The following PKD1 variants were observed in gnomAD, a reference collection of about 807,000 sequenced individuals.
PKD1 encodes polycystin 1, transient receptor potential channel interacting, also known as polycystin-1.
A neutral mutation model predicts 361.7 loss-of-function variants in PKD1; 81 were observed. The observed-to-expected ratio is 0.22, with a 90% CI of 0.19 to 0.27. The LOEUF (loss-of-function observed/expected upper bound fraction) is 0.27. Ranked by LOEUF, PKD1 falls within the 10% of genes least tolerant of loss-of-function variation. The pLI is 1.00. For missense variants in PKD1, 6,399 were observed against 6,118.3 expected, an observed-to-expected ratio of 1.05 and a Z score of -1.53; for synonymous variants, 3,615 against 2,818.3, an observed-to-expected ratio of 1.28 and a Z score of -8.95.
chr16:2,091,129 G>A lies in PKD1; in HGVS notation c.11758C>T (p.Arg3920Cys), dbSNP rs538314197. ...FAVHFAVAEA[R>C]TWHREGRWRV... ...CAGCGCCCTTCCCTGTGCCAAGTAC[G>A]GGCCTCGGCCACGGCGAAGTGCACG... is the stretch of plus-strand genomic sequence containing the variant. The change falls in exon 43 of 46, where the codon CGT (arginine) becomes TGT (cysteine). Residue 3920 changes from arginine (R) to cysteine (C), a missense_variant. Physicochemically the swap from Arg to Cys is radical, Grantham distance 180 (BLOSUM62 -3). Coordinates refer to ENST00000262304, the MANE Select transcript of PKD1 (RefSeq NM_001009944.3). 11 of 1,484,868 alleles carry A rather than the reference G, an allele frequency of 7.4e-6. No individual in the cohort carries two copies. The highest frequency in any genetic ancestry group is 1.5e-5 in the African/African-American group (1 of 68,286). The allele number at this position is 1,484,868 out of a possible 1,614,324, so 92.0% of individuals were successfully genotyped here. A position where few individuals can be genotyped will look rare whatever the true frequency, so the allele number is the denominator to read the frequency against.
chr16:2,093,909 A>T lies in PKD1; in HGVS notation c.10723T>A (p.Trp3575Arg). ...LVAVAVAVSG[W>R]VGASFPPGVS... ...CCCGGGGGGAAGCTCGCACCCACCCACCCTGAGACAGCCACAGCCACAGCC... is the reference window on the plus strand; with the variant it reads ...CCCGGGGGGAAGCTCGCACCCACCCTCCCTGAGACAGCCACAGCCACAGCC... The change falls in exon 36 of 46, where the codon TGG (tryptophan) becomes AGG (arginine). Residue 3575 changes from tryptophan to arginine, a missense_variant. Trp to Arg is a moderately radical substitution (Grantham distance 101). Coordinates refer to ENST00000262304, the MANE Select transcript of PKD1 (RefSeq NM_001009944.3). 6.3e-7 allele frequency: 1 copy of T among 1,578,426 alleles called. No individual in the cohort carries two copies. Among genetic ancestry groups the T allele is most frequent in the Non-Finnish European group, 8.6e-7 (1 of 1,167,100 alleles).
rs2092458255 is a variant in PKD1, at chr16:2,110,015, C to A, written c.5152G>T (p.Val1718Leu). 6.2e-7 allele frequency: 1 copy of A among 1,610,434 alleles called. No individual in the cohort carries two copies. The highest frequency in any genetic ancestry group is 1.1e-5 in the South Asian group (1 of 90,944). ...ADCTMDFVEP[V>L]GWLMVAASPN... ...GAGGCGGCCACCATCAGCCACCCCA[C>A]AGGCTCCACGAAGTCCATGGTGCAG... Residue 1718 changes from valine to leucine, a missense_variant, in exon 15 of 46, where the codon GTG becomes TTG. Val to Leu is a conservative substitution (Grantham distance 32, BLOSUM62 1). Transcript: ENST00000262304.
Position 2,108,834 on chromosome 16 carries a change from C to T in PKD1, c.6333G>A (p.Glu2111=), listed in dbSNP as rs753193691. ...AGTCCCCAGGCCTCAGGTAGGAGTG[C>T]TCGGCCCTGGGCTCATCTGTGTCCT... The part of the protein sequence containing the change: ...PGQDTDEPRA[E]HSYLRPGDYR... Residue 2111 remains glutamate (E), a synonymous_variant, in exon 15 of 46, where the codon GAG becomes GAA. Transcript: ENST00000262304. The T allele has an allele frequency of 6.4e-7, 1 of 1,570,918 alleles. No homozygotes were observed. Among genetic ancestry groups the T allele is most frequent in the South Asian group, 1.2e-5 (1 of 86,156 alleles).
At chr16:2,091,702 CG>C (rs980229060) in intron 41 of PKD1, 78 bp downstream of exon 41, 5 of 1,579,010 alleles carry the variant, frequency 3.2e-6, no homozygotes, top group East Asian at 2.3e-5. Context: ...CCTAGGCCAG[CG>C]GGGGCCGGAG....
chr16:2,099,724 C>A lies in PKD1; in HGVS notation c.9970G>T (p.Ala3324Ser), dbSNP rs1422578175. The part of the protein sequence containing the change: ...RLSPLSVDTV[A>S]VGLVSSVVVY... ...ACCACGCTGGACACCAGGCCAACAG[C>A]GACTGTGTCGACGCTCAGCGGGCTC... The change falls in exon 30 of 46, where the codon GCT becomes TCT. Residue 3324 changes from alanine to serine, a missense_variant. Physicochemically the swap from Ala to Ser is moderately conservative, Grantham distance 99 (BLOSUM62 1). Coordinates refer to ENST00000262304, the MANE Select transcript of PKD1 (RefSeq NM_001009944.3). 5.1e-6 allele frequency: 8 copies of A among 1,570,070 alleles called. No homozygotes were observed. Among genetic ancestry groups the A allele is most frequent in the African/African-American group, 2.7e-5 (2 of 73,920 alleles).
At chr16:2,132,638 G>T (rs1226833551) in intron 1 of PKD1, among the ~76,000 whole-genome samples, 2 of 150,302 alleles carry the variant, frequency 1.3e-5, no homozygotes, top group African/African-American at 4.9e-5. Context: ...GACCTTATTT[G>T]GCTCTTAATT....
At position 2,099,877 on chromosome 16, in the gene PKD1, C is replaced by T; in HGVS notation, c.9907G>A (p.Gly3303Ser). 2 of 1,567,202 alleles carry T rather than the reference C, an allele frequency of 1.3e-6. No homozygotes were observed. Among genetic ancestry groups the T allele is most frequent in the South Asian group, 2.3e-5 (2 of 85,806 alleles). The change falls in exon 29 of 46, where the codon GGC becomes AGC. Residue 3303 changes from glycine to serine, a missense_variant. Gly to Ser is a moderately conservative substitution (Grantham distance 56). Transcript: ENST00000262304. ...GANAVWYGAV[G>S]DSAYSTGHVS... Reference sequence around the variant, plus strand: ...GGCACCCACCTGTAGGCAGAGTCGCCAACAGCCCCGTACCACACGGCGTTG... The same window carrying T: ...GGCACCCACCTGTAGGCAGAGTCGCTAACAGCCCCGTACCACACGGCGTTG...
In PKD1 at chr16:2,100,321, C is replaced by A. The variant is rs568846847; in HGVS notation, c.9569-12G>T. On this transcript the variant is annotated splice_polypyrimidine_tract_variant and intron_variant, in intron 27 of 45. Coordinates refer to ENST00000262304, the MANE Select transcript of PKD1 (RefSeq NM_001009944.3). This position sits in a 1 kb window ranked among gnomAD's most constrained non-coding sequence, Gnocchi z 4.4. ...GGCAGGGCTGAGCCCTGCAGAGGCG[C>A]AGGAGGGAGGTCAGGCTCGCAGGGC... The A allele has an allele frequency of 1.2e-6, 2 of 1,610,148 alleles. No homozygotes were observed. The highest frequency in any genetic ancestry group is 4.5e-5 in the East Asian group (2 of 44,868).
At position 2,102,633 on chromosome 16, in the gene PKD1, C is replaced by A. The variant is rs769271032; in HGVS notation, c.8949G>T (p.Gly2983=). The A allele has an allele frequency of 6.2e-7, 1 of 1,610,974 alleles. No homozygotes were observed. Among genetic ancestry groups the A allele is most frequent in the South Asian group, 1.1e-5 (1 of 90,988 alleles). The change falls in exon 25 of 46, where the codon GGG becomes GGT. Residue 2983 remains glycine (G), a splice_region_variant and synonymous_variant. Coordinates refer to ENST00000262304, the MANE Select transcript of PKD1 (RefSeq NM_001009944.3). Reference sequence around the variant, plus strand: ...GGTAACTCCCCGCTGGGTCTCTGCTCCTGGGCAGGGAAGGGGTAGCGGACG... The same window carrying A: ...GGTAACTCCCCGCTGGGTCTCTGCTACTGGGCAGGGAAGGGGTAGCGGACG... ...HRPYTFFISP[G]SRDPAGSYHL... is the part of the protein sequence containing the mutation.
At chr16:2,132,712 G>T (rs931412619) in intron 1 of PKD1, among the ~76,000 whole-genome samples, 2 of 151,938 alleles carry the variant, frequency 1.3e-5, no homozygotes, top group Non-Finnish European at 2.9e-5. Context: ...ACTGTCTGTT[G>T]TGTTAGGTGG....
chr16:2,107,725 G>A (rs1273401641), intron 16 of PKD1, 158 bp downstream of exon 16: 9 of 723,454 alleles, frequency 1.2e-5, no homozygotes, highest in South Asian at 5.0e-5. Context: ...TTGGAAGGAA[G>A]CAAAGCTGAA....
At position 2,089,440 on chromosome 16, in the gene PKD1, C is replaced by T. The variant is rs949067437; in HGVS notation, c.*287G>A. The T allele has an allele frequency of 2.0e-6, 1 of 504,956 alleles. No homozygotes were observed. The highest frequency in any genetic ancestry group is 2.4e-5 in the South Asian group (1 of 41,980). 31.3% of individuals were successfully genotyped at this position (504,956 alleles called of 1,614,324 possible). On this transcript the variant is annotated 3_prime_UTR_variant, in exon 46 of 46. Transcript: ENST00000262304. ...CCCAGGGGGTGGGGCCGGGCACAGC[C>T]CGCTGTACCTGAGGACTCGGGGAAA...
chr16:2,090,260 CT>C, intron 45 of PKD1, 24 bp downstream of exon 45: 1 of 1,608,398 alleles, frequency 6.2e-7, no homozygotes, highest in African/African-American at 1.3e-5. Flanking sequence ...GCGTGTCCCT[CT>C]CCCCCCCACT....
Position 2,102,920 on chromosome 16 carries a change from A to G in PKD1, c.8842T>C (p.Ser2948Pro). 1 of 1,609,224 alleles carries G rather than the reference A, an allele frequency of 6.2e-7. No individual in the cohort carries two copies. The highest frequency in any genetic ancestry group is 8.5e-7 in the Non-Finnish European group (1 of 1,179,734). ...TTGTGCTCATTGGGCCGGGGCTCCG[A>G]GTGTAGGTAGACTGCCAGGTAGGGC... ...PEPYLAVYLH[S>P]EPRPNEHNCS... Residue 2948 changes from serine to proline, a missense_variant, in exon 24 of 46, where the codon TCG becomes CCG. By Grantham distance (74) the Ser-to-Pro change is moderately conservative. Transcript: ENST00000262304.
intron 41 of PKD1, 21 bp downstream of exon 41, chr16:2,091,760 G>C: frequency 1.2e-6 from 2 of 1,609,276 alleles, no homozygotes; most frequent in South Asian, 2.2e-5. Context: ...CCCCGGAGAG[G>C]GCAGGGGAGG....
In PKD1 at chr16:2,103,373, T is replaced by C. The variant is rs1219270797; in HGVS notation, c.8684A>G (p.Asn2895Ser). The change falls in exon 23 of 46, where the codon AAC (asparagine) becomes AGC (serine). Residue 2895 changes from asparagine (N) to serine (S), a missense_variant. Transcript: ENST00000262304. ...RGHRSSANSA[N>S]SVVVQPQASV... ...GGCCTGGGGCTGGACCACAACGGAG[T>C]TGGCGGAGTTGGCGGAGCTGCGGTG... 2.3e-5 allele frequency: 37 copies of C among 1,600,798 alleles called. No homozygotes were observed. The highest frequency in any genetic ancestry group is 1.2e-4 in the African/African-American group (9 of 74,670).
Position 2,089,029 on chromosome 16 carries a change from C to T in PKD1, c.*698G>A, listed in dbSNP as rs1459236575. 1 of 206,666 alleles carries T rather than the reference C, an allele frequency of 4.8e-6. No homozygotes were observed. The highest frequency in any genetic ancestry group is 9.9e-6 in the Non-Finnish European group (1 of 100,850). The allele number at this position is 206,666 out of a possible 1,614,324, so 12.8% of individuals were successfully genotyped here. A position where few individuals can be genotyped will look rare whatever the true frequency, so the allele number is the denominator to read the frequency against. ...TGCCAGCAGGCCTGGGCGCTGCTCT[C>T]TTGCTACCTGGCCTGGGGCAAGGGA... On this transcript the variant is annotated 3_prime_UTR_variant, in exon 46 of 46. Coordinates refer to ENST00000262304, the MANE Select transcript of PKD1 (RefSeq NM_001009944.3).
In PKD1 at chr16:2,110,613, G is replaced by A. The variant is rs961825962; in HGVS notation, c.4554C>T (p.Asn1518=). 5 of 1,610,236 alleles carry A rather than the reference G, an allele frequency of 3.1e-6. No homozygotes were observed. Among genetic ancestry groups the A allele is most frequent in the Non-Finnish European group, 1.7e-6 (2 of 1,179,478 alleles). ...LEGPEVTHAY[N]STGDFTVRVA... ...CCCTAACGGTGAAGTCACCTGTGCT[G>A]TTGTAAGCGTGGGTGACCTCCGGAC... Residue 1518 remains asparagine, a synonymous_variant, in exon 15 of 46, where the codon AAC becomes AAT. Transcript: ENST00000262304.
rs187704347 is a variant in PKD1, at chr16:2,095,618, C to T, written c.10500-1408G>A. ...CAGGCGCAGGGAAGGCCGTGCTCTG[C>T]GTTGGGAAAGGAGCCACGGGACGCG... On this transcript the variant is annotated intron_variant, in intron 34 of 45. Coordinates refer to ENST00000262304, the MANE Select transcript of PKD1 (RefSeq NM_001009944.3). Among the ~76,000 whole-genome samples, 251 of 152,238 alleles carry T rather than the reference C, an allele frequency of 1.6e-3. 2 individuals carry two copies. The highest frequency in any genetic ancestry group is 5.9e-3 in the African/African-American group (247 of 41,546).
Sources: gnomAD v4.1 joint callset for allele counts (sites outside exome capture counted in the v4.1 genomes callset) on GRCh38, gnomAD v4.1.1 for gene constraint, Gnocchi (gnomAD v3.1) non-coding constraint, MANE v1.5 for transcripts, NCBI Gene and HGNC (gene_info 2026-07-23, HGNC 2026-07-21) for gene names.